Variants in PRMT3 observed in about 807,000 individuals in gnomAD.
PRMT3 encodes protein arginine methyltransferase 3.
In PRMT3, 62 loss-of-function variants were observed where a neutral mutation model predicts 71.9. The ratio of observed to expected loss-of-function variants is 0.86; its 90% CI spans 0.70 to 1.07. The LOEUF (loss-of-function observed/expected upper bound fraction) is 1.07. PRMT3 is among the 50% of genes least tolerant of loss of function. The pLI, the probability that PRMT3 is intolerant of heterozygous loss-of-function variation, is 0.00. For synonymous variants in PRMT3, 213 were observed against 220.4 expected (o/e 0.97, Z 0.30); for missense variants, 663 against 643.0 (o/e 1.03, Z -0.34).
intron 10 of PRMT3, among the ~76,000 whole-genome samples, chr11:20,430,866 T>G (rs1284038390): frequency 6.6e-6 from 1 of 152,200 alleles, no homozygotes; most frequent in Non-Finnish European, 1.5e-5. Flanking sequence ...GTAAACAGTT[T>G]AATCCCTGGA....
intron 13 of PRMT3, among the ~76,000 whole-genome samples, chr11:20,478,191 T>G (rs748598698): frequency 1.3e-5 from 2 of 152,180 alleles, no homozygotes; most frequent in Non-Finnish European, 2.9e-5. Flanking sequence ...TGTTTTCTTT[T>G]TGTTATGTTA....
chr11:20,466,759 TAA>T (rs1329264717), intron 13 of PRMT3, among the ~76,000 whole-genome samples: 1 of 152,178 alleles, frequency 6.6e-6, no homozygotes, highest in African/African-American at 2.4e-5. Context: ...TCTGTATACT[TAA>T]AAGAGTAAAA....
In PRMT3 at chr11:20,508,442, G is replaced by C. The variant is rs1402513765; in HGVS notation, c.*29G>C. 6.7e-7 allele frequency: 1 copy of C among 1,491,760 alleles called. No homozygotes were observed. Among genetic ancestry groups the C allele is most frequent in the Non-Finnish European group, 9.4e-7 (1 of 1,068,810 alleles). The allele number at this position is 1,491,760 out of a possible 1,614,324, so 92.4% of individuals were successfully genotyped here. A position where few individuals can be genotyped will look rare whatever the true frequency, so the allele number is the denominator to read the frequency against. On this transcript the variant is annotated 3_prime_UTR_variant, in exon 16 of 16. Transcript: ENST00000331079. ...AGCCATAAAAGCACACTACCTTGTA[G>C]TTTTTAATGTGGGGGTAGAGTGGGT...
intron 13 of PRMT3, among the ~76,000 whole-genome samples, chr11:20,480,459 C>A (rs1764863522): frequency 6.6e-6 from 1 of 152,086 alleles, no homozygotes; most frequent in Non-Finnish European, 1.5e-5. Context: ...TTGAAAGAAG[C>A]CTAGGATGGC....
intron 9 of PRMT3, among the ~76,000 whole-genome samples, chr11:20,415,103 A>G (rs1849276828): frequency 1.3e-5 from 2 of 151,490 alleles, no homozygotes; most frequent in African/African-American, 4.9e-5. Context: ...TCTTGACATA[A>G]GGGATGCTAC....
At position 20,387,737 on chromosome 11, in the gene PRMT3, C is replaced by T. The variant is rs369171698; in HGVS notation, c.-10C>T. The T allele has an allele frequency of 1.0e-5, 16 of 1,535,666 alleles. No homozygotes were observed. The East Asian group carries it at 1.7e-4, about 17-fold the overall frequency. ...CCCCAGACACGCCGGGCTCTCGGGG[C>T]ACCACAGCCATGTGCTCGTTAGCGT... On this transcript the variant is annotated 5_prime_UTR_variant, in exon 1 of 16. Transcript: ENST00000331079. This position sits in a 1 kb window ranked among gnomAD's most constrained non-coding sequence, Gnocchi z 4.3.
intron 9 of PRMT3, among the ~76,000 whole-genome samples, chr11:20,413,902 G>A (rs938136655): frequency 2.0e-5 from 3 of 152,010 alleles, no homozygotes; most frequent in African/African-American, 7.2e-5. Flanking sequence ...TATCCCTTCT[G>A]AGGCCCTTTT....
Position 20,508,522 on chromosome 11 carries a change from C to A in PRMT3, c.*109C>A. The A allele has an allele frequency of 1.3e-6, 1 of 766,768 alleles. No homozygotes were observed. The highest frequency in any genetic ancestry group is 2.6e-5 in the East Asian group (1 of 38,828). 47.5% of individuals were successfully genotyped at this position (766,768 alleles called of 1,614,324 possible). A position where few individuals can be genotyped will look rare whatever the true frequency, so the allele number is the denominator to read the frequency against. ...AGATGGATGGATGATGGACCCTTTC[C>A]TAATGAGCCTCCTCAATAAGAGAGA... On this transcript the variant is annotated 3_prime_UTR_variant, in exon 16 of 16. Coordinates refer to ENST00000331079, the MANE Select transcript of PRMT3 (RefSeq NM_005788.4).
At chr11:20,435,783 G>T (rs1027784465) in intron 10 of PRMT3, among the ~76,000 whole-genome samples, 1 of 152,106 alleles carries the variant, frequency 6.6e-6, no homozygotes, top group African/African-American at 2.4e-5. Flanking sequence ...CAGCTTTGCC[G>T]TTTTTGCTCA....
chr11:20,480,350 A>G (rs1015547239), intron 13 of PRMT3, among the ~76,000 whole-genome samples: 4 of 152,160 alleles, frequency 2.6e-5, no homozygotes, highest in Admixed American at 6.5e-5. Context: ...CGTTAGCTAG[A>G]TATCTGTTTT....
intron 9 of PRMT3, among the ~76,000 whole-genome samples, chr11:20,413,415 A>G (rs1050600909): frequency 2.0e-5 from 3 of 152,154 alleles, no homozygotes; most frequent in African/African-American, 7.2e-5. Flanking sequence ...CTTTCACTAC[A>G]ACCCCTTTAA....
chr11:20,473,502 AAGG>A (rs1850702579), intron 13 of PRMT3, among the ~76,000 whole-genome samples: 1 of 152,154 alleles, frequency 6.6e-6, no homozygotes, highest in Non-Finnish European at 1.5e-5. Flanking sequence ...AGGAGTCATT[AAGG>A]AGCAGTTGTT....
chr11:20,394,375 C>T (rs1848780050), intron 5 of PRMT3, among the ~76,000 whole-genome samples: 1 of 152,052 alleles, frequency 6.6e-6, no homozygotes, highest in African/African-American at 2.4e-5. Context: ...ATAGATTTCA[C>T]TCCACCTTGC....
At chr11:20,483,742 A>G (rs1316461019) in intron 13 of PRMT3, among the ~76,000 whole-genome samples, 1 of 152,178 alleles carries the variant, frequency 6.6e-6, no homozygotes, top group Non-Finnish European at 1.5e-5. Context: ...AGTGCTCTAT[A>G]ATAGAATAGC....
chr11:20,466,634 C>G (rs1184547831), intron 13 of PRMT3, among the ~76,000 whole-genome samples: 1 of 151,996 alleles, frequency 6.6e-6, no homozygotes, highest in African/African-American at 2.4e-5. Flanking sequence ...TTTTCTATTT[C>G]CTAGTATTTA....
chr11:20,427,948 A>G (rs1236917283), intron 10 of PRMT3, among the ~76,000 whole-genome samples: 8 of 152,258 alleles, frequency 5.3e-5, no homozygotes, highest in Non-Finnish European at 1.2e-4. Context: ...AAACATAGTT[A>G]TAATCCTAGT....
rs79705101 is a variant in PRMT3, at chr11:20,459,761, C to T, written c.1073-2219C>T. Among the ~76,000 whole-genome samples, 494 of 152,290 alleles carry T rather than the reference C, an allele frequency of 3.2e-3. 1 individual carries two copies. The highest frequency in any genetic ancestry group is 4.3e-3 in the Non-Finnish European group (295 of 68,022). ...GCTTCTGAATTCTTATTTTTTTATT[C>T]AGTGTTTCTCATCCTAAGGATGTGG... On this transcript the variant is annotated intron_variant, in intron 11 of 15. Transcript: ENST00000331079.
rs906963146 is a variant in PRMT3, at chr11:20,462,120, G to T, written c.1213G>T (p.Glu405Ter). Residue 405 changes from glutamate (E) to a stop codon, truncating the protein, a stop_gained, in exon 12 of 16, where the codon GAA becomes TAA. Transcript: ENST00000331079. LOFTEE classifies it high-confidence loss of function. ...KKAVIPEAVV[E>*]VLDPKTLISE... The stretch of plus-strand genomic sequence containing the variant: ...AGCAGTTATTCCAGAAGCTGTTGTG[G>T]AAGTTTTAGATCCGAAGACTCTTAT... 6.2e-7 allele frequency: 1 copy of T among 1,612,690 alleles called. No homozygotes were observed. The highest frequency in any genetic ancestry group is 1.7e-5 in the Admixed American group (1 of 59,988).
At chr11:20,403,017 C>A in intron 8 of PRMT3, 33 bp downstream of exon 8, 4 of 1,475,872 alleles carry the variant, frequency 2.7e-6, no homozygotes, top group South Asian at 2.3e-5. Flanking sequence ...TTATACATTT[C>A]ATCTTGTTCT....
Sources: allele counts gnomAD v4.1 joint callset (sites outside exome capture counted in the v4.1 genomes callset), GRCh38; gene constraint gnomAD v4.1.1; non-coding constraint Gnocchi (gnomAD v3.1); transcripts MANE v1.5; gene names NCBI Gene and HGNC (gene_info 2026-07-23, HGNC 2026-07-21).